BBOF1: variants seen among roughly 807,000 people sequenced by gnomAD.
The protein encoded by BBOF1 is basal body-orientation factor 1.
BBOF1 carries 62 observed loss-of-function variants against 68.0 expected under a neutral mutation model. The ratio of observed to expected loss-of-function variants is 0.91; its 90% CI spans 0.74 to 1.13. The LOEUF (loss-of-function observed/expected upper bound fraction) is 1.13. Among genes scored for constraint, BBOF1 ranks in the 50% most tolerant of loss-of-function variants. The probability of loss-of-function intolerance (pLI) is 0.00; values close to 1 mark genes in which losing one functional copy is unlikely to be tolerated. For synonymous variants in BBOF1, 208 were observed against 198.8 expected, an observed-to-expected ratio of 1.05 and a Z score of -0.39; for missense variants, 534 against 600.1, an observed-to-expected ratio of 0.89 and a Z score of 1.15.
downstream of BBOF1, chr14:74,066,794 C>T (rs1334314838): frequency 1.2e-6 from 2 of 1,613,688 alleles, no homozygotes; most frequent in Non-Finnish European, 8.5e-7. Flanking sequence ...AGGATGGAAG[C>T]TCCCTCCTTT....
At chr14:74,034,872 T>C (rs1460302416) in intron 4 of BBOF1, among the ~76,000 whole-genome samples, 2 of 152,096 alleles carry the variant, frequency 1.3e-5, no homozygotes, top group African/African-American at 4.8e-5. Flanking sequence ...GGATAATCTC[T>C]TGAGGCCAGG....
chr14:74,069,646 G>A (rs57257247), downstream of BBOF1, among the ~76,000 whole-genome samples: 1 of 151,482 alleles, frequency 6.6e-6, no homozygotes, highest in African/African-American at 2.4e-5. Context: ...CCAGCTACTT[G>A]GGAGTCTGAG....
intron 2 of BBOF1, among the ~76,000 whole-genome samples, chr14:74,023,459 T>C (rs898050325): frequency 2.0e-5 from 3 of 152,248 alleles, no homozygotes; most frequent in African/African-American, 7.2e-5. Context: ...TTTTTGATGC[T>C]GATTTTTAGT....
chr14:74,054,370 A>G (rs774047559), intron 8 of BBOF1, among the ~76,000 whole-genome samples: 13 of 149,050 alleles, frequency 8.7e-5, no homozygotes, highest in Non-Finnish European at 1.6e-4. Context: ...ATGTTACATT[A>G]CAGTTTTTTT....
intron 9 of BBOF1, chr14:74,072,739 T>C (rs1472680794): frequency 2.9e-6 from 3 of 1,017,606 alleles, no homozygotes; most frequent in Non-Finnish European, 4.4e-6. Context: ...TCTTCTGGTC[T>C]TTAGAAATGT....
intron 8 of BBOF1, among the ~76,000 whole-genome samples, chr14:74,051,055 C>G (rs1010117931): frequency 6.6e-6 from 1 of 151,912 alleles, no homozygotes; most frequent in Non-Finnish European, 1.5e-5. Flanking sequence ...ACCAGCCTGA[C>G]CAACATGGTG....
chr14:74,037,063 C>T (rs1394580769), intron 4 of BBOF1, among the ~76,000 whole-genome samples: 1 of 145,958 alleles, frequency 6.9e-6, no homozygotes, highest in Non-Finnish European at 1.5e-5. Context: ...ACCTCTGCCT[C>T]CCAGGTTCAA....
At chr14:74,042,716 A>G (rs7153017) in intron 5 of BBOF1, among the ~76,000 whole-genome samples, 36,652 of 152,028 alleles carry the variant, frequency 0.24, 4,997 homozygotes, top group South Asian at 0.46. Context: ...ACTGAGGCTC[A>G]AGGATTGCTT....
chr14:74,074,350 G>A (rs1006918169), intron 9 of BBOF1, among the ~76,000 whole-genome samples: 1 of 147,670 alleles, frequency 6.8e-6, no homozygotes, highest in African/African-American at 2.5e-5. Flanking sequence ...GCAATGGTGC[G>A]ATCTTGGCTC....
intron 11 of BBOF1, among the ~76,000 whole-genome samples, chr14:74,063,750 C>T (rs546853069): frequency 1.3e-5 from 2 of 151,138 alleles, no homozygotes; most frequent in African/African-American, 4.9e-5. Flanking sequence ...TCTGTAATCC[C>T]AGCTACTTGG....
rs747331785 is a variant in BBOF1 at position 74,064,813 on chromosome 14, A to T, written c.*114A>T. The T allele has an allele frequency of 6.2e-7, 1 of 1,613,920 alleles. No homozygotes were observed. The highest frequency in any genetic ancestry group is 1.7e-5 in the Admixed American group (1 of 60,022). ...AAGGAAAAGACAAAAAATTTAACTC[A>T]AAAGTTACCTGTTTGCCATAGAAAT... On this transcript the variant is annotated 3_prime_UTR_variant, in exon 12 of 12. Transcript: ENST00000394009.
At chr14:74,044,607 T>C (rs2139562655) in intron 5 of BBOF1, among the ~76,000 whole-genome samples, 1 of 151,798 alleles carries the variant, frequency 6.6e-6, no homozygotes, top group Middle Eastern at 3.4e-3. Flanking sequence ...GGACCACAGG[T>C]GCACACCACC....
rs572656532 is a variant in BBOF1 at position 74,054,118 on chromosome 14, C to T, written c.1287-1466C>T. ...GTCTTGATCTCCTGACCTCGTGATC[C>T]GCCCGCCTCGTCCTCCCAAAGTGCT... is the stretch of plus-strand genomic sequence containing the variant. On this transcript the variant is annotated intron_variant, in intron 8 of 11. Coordinates refer to ENST00000394009, the MANE Select transcript of BBOF1 (RefSeq NM_025057.3). 8.5e-5 allele frequency among the ~76,000 whole-genome samples: 13 copies of T among 152,048 alleles called. No homozygotes were observed. In the East Asian group the frequency reaches 1.2e-3, roughly 14 times the overall value.
intron 3 of BBOF1, chr14:74,031,768 A>G (rs1283372132): frequency 3.3e-5 from 5 of 152,186 alleles, no homozygotes; most frequent in African/African-American, 4.8e-5. Flanking sequence ...CACACCTCCA[A>G]ATACCATCAC....
chr14:74,030,730 C>T (rs1295173739), intron 3 of BBOF1, among the ~76,000 whole-genome samples: 2 of 152,044 alleles, frequency 1.3e-5, no homozygotes, highest in Non-Finnish European at 2.9e-5. Flanking sequence ...ATCTCCTGAC[C>T]TCATGATCCG....
At chr14:74,082,359 T>C (rs2060677017) in intron 12 of BBOF1, among the ~76,000 whole-genome samples, 1 of 151,216 alleles carries the variant, frequency 6.6e-6, no homozygotes, top group African/African-American at 2.4e-5. Context: ...ATCCTTTTGA[T>C]AGTTCTCTAA....
At chr14:74,030,635 A>G (rs996203041) in intron 3 of BBOF1, among the ~76,000 whole-genome samples, 2 of 151,884 alleles carry the variant, frequency 1.3e-5, no homozygotes, top group Non-Finnish European at 2.9e-5. Context: ...AGCTGGGACT[A>G]CAGGCACCTA....
At chr14:74,075,283 T>C (rs535655352) in intron 9 of BBOF1, among the ~76,000 whole-genome samples, 1 of 152,284 alleles carries the variant, frequency 6.6e-6, no homozygotes, top group East Asian at 1.9e-4. Flanking sequence ...AATTTGGGCC[T>C]GGCAAATGTA....
intron 2 of BBOF1, among the ~76,000 whole-genome samples, chr14:74,027,375 C>G (rs2059455953): frequency 6.8e-6 from 1 of 146,934 alleles, no homozygotes; most frequent in Non-Finnish European, 1.5e-5. Flanking sequence ...CCATGAGCCA[C>G]CTCGCCCAGC....
Sources: gnomAD v4.1 joint callset for allele counts (sites outside exome capture counted in the v4.1 genomes callset) on GRCh38, gnomAD v4.1.1 for gene constraint, MANE v1.5 for transcripts, NCBI Gene and HGNC (gene_info 2026-07-23, HGNC 2026-07-21) for gene names.